Variants in COLEC12 observed in about 807,000 individuals in gnomAD.
COLEC12 encodes the protein collectin-12.
Under a neutral mutation model 71.1 loss-of-function variants are expected in COLEC12, and 33 were observed. The ratio of observed to expected loss-of-function variants is 0.46; its 90% CI spans 0.35 to 0.62. The LOEUF (loss-of-function observed/expected upper bound fraction) is 0.62. COLEC12 is among the 20% of genes least tolerant of loss of function. The probability of loss-of-function intolerance (pLI) is 0.00; values close to 1 mark genes in which losing one functional copy is unlikely to be tolerated. For missense variants in COLEC12, 765 were observed against 916.1 expected (o/e 0.84, Z 2.13); for synonymous variants, 350 against 353.0 (o/e 0.99, Z 0.10).
At chr18:350,981 TTCAAAAAATGAGAAC>T (rs1222972573) in intron 3 of COLEC12, among the ~76,000 whole-genome samples, 1 of 149,266 alleles carries the variant, frequency 6.7e-6, no homozygotes, top group Non-Finnish European at 1.5e-5. Flanking sequence ...AAAAAAAGAC[TTCAAAAAATGAGAAC>T]ATGCTTTATA....
intron 2 of COLEC12, among the ~76,000 whole-genome samples, chr18:387,662 C>G (rs975915723): frequency 6.6e-6 from 1 of 152,248 alleles, no homozygotes; most frequent in Non-Finnish European, 1.5e-5. Context: ...CAACCATATA[C>G]GGCTGTGTAT....
At chr18:481,158 G>A (rs766317020) in intron 1 of COLEC12, among the ~76,000 whole-genome samples, 2 of 151,908 alleles carry the variant, frequency 1.3e-5, no homozygotes, top group Non-Finnish European at 2.9e-5. Context: ...AGAAATAATC[G>A]ACCGCCAAAG....
At chr18:446,256 G>A (rs549925070) in intron 2 of COLEC12, among the ~76,000 whole-genome samples, 6,977 of 151,550 alleles carry the variant, frequency 0.046, 202 homozygotes, top group African/African-American at 0.076. Flanking sequence ...ATATATATAT[G>A]TGTGTGTGTG....
At chr18:451,345 A>G (rs766154991) in intron 2 of COLEC12, among the ~76,000 whole-genome samples, 2 of 152,186 alleles carry the variant, frequency 1.3e-5, no homozygotes, top group Non-Finnish European at 2.9e-5. Context: ...AGCGGAGCCC[A>G]AAAGTTTGGA....
intron 2 of COLEC12, among the ~76,000 whole-genome samples, chr18:410,462 G>A (rs1193648946): frequency 1.3e-5 from 2 of 150,408 alleles, no homozygotes; most frequent in Non-Finnish European, 3.0e-5. Flanking sequence ...TTTTTAAGAC[G>A]GAGTCCGCTC....
chr18:350,444 C>T (rs1914489386), intron 3 of COLEC12, among the ~76,000 whole-genome samples: 1 of 152,160 alleles, frequency 6.6e-6, no homozygotes, highest in South Asian at 2.1e-4. Context: ...CTAATACAGC[C>T]ACACTAAATA....
chr18:443,587 C>A (rs1916587133), intron 2 of COLEC12, among the ~76,000 whole-genome samples: 1 of 152,162 alleles, frequency 6.6e-6, no homozygotes, highest in Non-Finnish European at 1.5e-5. Context: ...GTGCCTGCAT[C>A]CCCTCCGTCT....
rs1916798295 is a variant in COLEC12 at position 453,284 on chromosome 18, G to C, written c.58+27423C>G. 2.0e-5 allele frequency among the ~76,000 whole-genome samples: 3 copies of C among 152,270 alleles called. No individual in the cohort carries two copies. In the South Asian group the frequency reaches 6.2e-4, roughly 32 times the overall value. On this transcript the variant is annotated intron_variant, in intron 2 of 9. Coordinates refer to ENST00000400256, the MANE Select transcript of COLEC12 (RefSeq NM_130386.3). ...ACAAGAGGCACTCCTGGCCAGGTTG[G>C]GGATTTCTAGAATTTAAGAATTAAT...
At chr18:486,994 A>G in intron 1 of COLEC12, among the ~76,000 whole-genome samples, 1 of 152,200 alleles carries the variant, frequency 6.6e-6, no homozygotes, top group East Asian at 1.9e-4. Flanking sequence ...ATAAAAACAT[A>G]TGTCCATACA....
At chr18:437,584 T>C (rs764797568) in intron 2 of COLEC12, among the ~76,000 whole-genome samples, 40 of 152,178 alleles carry the variant, frequency 2.6e-4, no homozygotes, top group South Asian at 4.1e-4. Flanking sequence ...TTGAGTTATG[T>C]CTCTTTACGA....
intron 2 of COLEC12, among the ~76,000 whole-genome samples, chr18:435,944 T>C (rs917284442): frequency 2.6e-5 from 4 of 152,202 alleles, no homozygotes; most frequent in Admixed American, 2.6e-4. Flanking sequence ...CAGGTATCCT[T>C]AATAACTGTT....
At position 491,968 on chromosome 18, in the gene COLEC12, G is replaced by A. The variant is rs554460207; in HGVS notation, c.7+8540C>T. ...GAACACAGTTATTATGTATTCTCCT[G>A]GTGAATGAACTCAATGCAGCGTAAC... On this transcript the variant is annotated intron_variant, in intron 1 of 9. Coordinates refer to ENST00000400256, the MANE Select transcript of COLEC12 (RefSeq NM_130386.3). 7.9e-5 allele frequency among the ~76,000 whole-genome samples: 12 copies of A among 152,238 alleles called. No individual in the cohort carries two copies. The East Asian group carries it at 9.6e-4, about 12-fold the overall frequency.
intron 1 of COLEC12, among the ~76,000 whole-genome samples, chr18:482,402 C>G (rs1448792528): frequency 6.6e-6 from 1 of 151,986 alleles, no homozygotes; most frequent in African/African-American, 2.4e-5. Context: ...GCATGAGCCA[C>G]CGTGCCCGGC....
At chr18:350,748 T>G (rs531767952) in intron 3 of COLEC12, among the ~76,000 whole-genome samples, 2 of 152,074 alleles carry the variant, frequency 1.3e-5, no homozygotes, top group Admixed American at 1.3e-4. Flanking sequence ...GCCAACATGG[T>G]GAAACCCCAT....
At chr18:360,520 G>GTGATGCTGATGC (rs59329972) in intron 2 of COLEC12, among the ~76,000 whole-genome samples, 12 of 152,040 alleles carry the variant, frequency 7.9e-5, no homozygotes, top group African/African-American at 1.7e-4. Flanking sequence ...AAGTTCCCAG[G>GTGATGCTGATGC]TGATGCTGAT....
rs2143543093 is a variant in COLEC12 at position 374,093 on chromosome 18, G to A, written c.59-16571C>T. On this transcript the variant is annotated intron_variant, in intron 2 of 9. Coordinates refer to ENST00000400256, the MANE Select transcript of COLEC12 (RefSeq NM_130386.3). Reference sequence around the variant, plus strand: ...TGCTAGAATTGGAGGTATTTCAAAGGCAGCGAGCGGCATATGAGAATAAAT... The same window carrying A: ...TGCTAGAATTGGAGGTATTTCAAAGACAGCGAGCGGCATATGAGAATAAAT... 2.0e-5 allele frequency among the ~76,000 whole-genome samples: 3 copies of A among 152,238 alleles called. 1 individual carries two copies. In the South Asian group the frequency reaches 6.2e-4, roughly 32 times the overall value.
rs114724875 is a variant in COLEC12, at chr18:451,115, C to T, written c.58+29592G>A. Among the ~76,000 whole-genome samples, 330 of 152,296 alleles carry T rather than the reference C, an allele frequency of 2.2e-3. 1 individual carries two copies. Among genetic ancestry groups the T allele is most frequent in the African/African-American group, 7.6e-3 (315 of 41,570 alleles). ...GCATATGAATGAACATACACACCTC[C>T]ATACACCTCTTTCAAGTAGGCATGC... is the stretch of plus-strand genomic sequence containing the variant. On this transcript the variant is annotated intron_variant, in intron 2 of 9. Transcript: ENST00000400256.
chr18:423,483 T>A (rs1377763705), intron 2 of COLEC12, among the ~76,000 whole-genome samples: 1 of 152,172 alleles, frequency 6.6e-6, no homozygotes, highest in East Asian at 1.9e-4. Flanking sequence ...TATAAATCAT[T>A]TTTTTCTTCT....
chr18:399,898 CCA>C lies in COLEC12; in HGVS notation c.59-42378_59-42377del, dbSNP rs1181777894. On this transcript the variant is annotated intron_variant, in intron 2 of 9. Coordinates refer to ENST00000400256, the MANE Select transcript of COLEC12 (RefSeq NM_130386.3). The surrounding 1 kb of genome is among the most constrained non-coding windows in gnomAD (Gnocchi z 4.0). ...GGACTAGCCCAGCTTCTAACAGCCC[CCA>C]GTTTTTGGCTTGATCCTCAGACAAC... is the stretch of plus-strand genomic sequence containing the variant. Among the ~76,000 whole-genome samples the C allele has an allele frequency of 1.3e-5, 2 of 152,074 alleles. No individual in the cohort carries two copies. Among genetic ancestry groups the C allele is most frequent in the Admixed American group, 1.3e-4 (2 of 15,256 alleles).
Sources: allele counts gnomAD v4.1 joint callset (sites outside exome capture counted in the v4.1 genomes callset), GRCh38; gene constraint gnomAD v4.1.1; non-coding constraint Gnocchi (gnomAD v3.1); transcripts MANE v1.5; gene names NCBI Gene and HGNC (gene_info 2026-07-23, HGNC 2026-07-21).